The following KEL variants were observed in gnomAD, a reference collection of about 807,000 sequenced individuals.
KEL encodes the protein Kell metallo-endopeptidase (Kell blood group), also known as kell blood group glycoprotein.
Under a neutral mutation model 99.5 loss-of-function variants are expected in KEL, and 96 were observed. The observed-to-expected ratio is 0.97, with a 90% CI of 0.82 to 1.14. The LOEUF (loss-of-function observed/expected upper bound fraction) is 1.14, where lower values mean the gene tolerates loss of function less well. Ranked by LOEUF, KEL falls within the 50% of genes most tolerant of loss-of-function variation. The probability of loss-of-function intolerance (pLI) is 0.00; values close to 1 mark genes in which losing one functional copy is unlikely to be tolerated. For missense variants in KEL, 926 were observed against 924.2 expected, an observed-to-expected ratio of 1.00 and a Z score of -0.03; for synonymous variants, 355 against 354.8, an observed-to-expected ratio of 1.00 and a Z score of -0.01.
At chr7:142,956,453 A>C (rs1015551583) in intron 6 of KEL, among the ~76,000 whole-genome samples, 11 of 146,208 alleles carry the variant, frequency 7.5e-5, no homozygotes, top group African/African-American at 2.8e-4. Context: ...TTTTTTTTCT[A>C]TTATGTCAAA....
rs188609343 is a variant in KEL, at chr7:142,960,794, T to C, written c.400+134A>G. 4.7e-5 allele frequency: 44 copies of C among 945,730 alleles called. No homozygotes were observed. In the East Asian group the frequency reaches 6.4e-4, roughly 14 times the overall value. The allele number at this position is 945,730 out of a possible 1,614,324, so 58.6% of individuals were successfully genotyped here. ...TTTACTCCCCCATCATCTCCAATCA[T>C]CCACCCGTATAATCCCACCTGGGAT... On this transcript the variant is annotated intron_variant, in intron 4 of 18. Coordinates refer to ENST00000355265, the MANE Select transcript of KEL (RefSeq NM_000420.3).
chr7:142,947,265 A>G (rs1410151498), intron 10 of KEL, among the ~76,000 whole-genome samples: 1 of 152,180 alleles, frequency 6.6e-6, no homozygotes, highest in Non-Finnish European at 1.5e-5. Flanking sequence ...TGAAGCCTCA[A>G]AACTTTATTC....
At chr7:142,950,273 TTC>T (rs1257461935) in intron 10 of KEL, among the ~76,000 whole-genome samples, 1 of 152,282 alleles carries the variant, frequency 6.6e-6, no homozygotes, top group South Asian at 2.1e-4. Context: ...CCTTGTATGG[TTC>T]TCTCCTTCCT....
In KEL at chr7:142,953,941, T is replaced by C. The variant is rs1796757155; in HGVS notation, c.940A>G (p.Ile314Val). Residue 314 changes from isoleucine to valine, a missense_variant, in exon 9 of 19, where the codon ATC (isoleucine) becomes GTC (valine). By Grantham distance (29) the Ile-to-Val change is conservative. Transcript: ENST00000355265. The part of the protein sequence containing the change: ...IDQLKEMAPA[I>V]DWLSCLQATF... ...GCTTGCAAGCAGGACAACCAGTCGATGGCGGGGGCCATTTCCTTAGAGGAG... is the reference window on the plus strand; with the variant it reads ...GCTTGCAAGCAGGACAACCAGTCGACGGCGGGGGCCATTTCCTTAGAGGAG... 6.2e-7 allele frequency: 1 copy of C among 1,613,932 alleles called. No homozygotes were observed. The highest frequency in any genetic ancestry group is 8.5e-7 in the Non-Finnish European group (1 of 1,179,988).
At chr7:142,960,140 C>T (rs1562965109) in intron 4 of KEL, among the ~76,000 whole-genome samples, 1 of 152,222 alleles carries the variant, frequency 6.6e-6, no homozygotes, top group African/African-American at 2.4e-5. Context: ...TTTACTTCCA[C>T]TGCCAATTAA....
intron 11 of KEL, 124 bp from the exon 12 acceptor site, chr7:142,944,865 T>C: frequency 1.3e-6 from 1 of 757,138 alleles, no homozygotes; most frequent in East Asian, 2.7e-5. Flanking sequence ...CTGGAGCTGC[T>C]GCTAGAGGAG....
At chr7:142,957,686 T>C (rs751500913) in intron 6 of KEL, 141 bp downstream of exon 6, 5 of 1,030,918 alleles carry the variant, frequency 4.9e-6, no homozygotes, top group South Asian at 1.4e-5. Context: ...TTCACATCAA[T>C]AATTTTCCCT....
intron 8 of KEL, 64 bp from the exon 9 acceptor site, chr7:142,954,020 C>T (rs1227632138): frequency 5.6e-6 from 9 of 1,596,558 alleles, no homozygotes; most frequent in Admixed American, 1.7e-5. Flanking sequence ...AAGGGCTTCC[C>T]CTTGGGTGTG....
chr7:142,956,162 G>A (rs752549689), intron 6 of KEL, among the ~76,000 whole-genome samples: 12 of 152,116 alleles, frequency 7.9e-5, no homozygotes, highest in Non-Finnish European at 1.6e-4. Context: ...AAAACAATGG[G>A]ATCACTGTGT....
intron 5 of KEL, 144 bp from the exon 6 acceptor site, chr7:142,958,117 T>A (rs928026323): frequency 2.3e-6 from 3 of 1,304,668 alleles, no homozygotes; most frequent in African/African-American, 3.0e-5. Flanking sequence ...TATCCTTTTT[T>A]ATCTGCCTTC....
At chr7:142,951,091 G>A (rs1404775389) in intron 10 of KEL, among the ~76,000 whole-genome samples, 2 of 152,208 alleles carry the variant, frequency 1.3e-5, no homozygotes, top group Non-Finnish European at 2.9e-5. Flanking sequence ...TTCCAGAAAG[G>A]TGAAGTGGCG....
At chr7:142,952,839 G>T (rs1312080906) in intron 9 of KEL, among the ~76,000 whole-genome samples, 2 of 152,182 alleles carry the variant, frequency 1.3e-5, no homozygotes, top group Admixed American at 1.3e-4. Flanking sequence ...CTTAGTAAAA[G>T]AAACTAGATG....
Position 142,958,011 on chromosome 7 carries a change from G to A in KEL, c.526-38C>T, listed in dbSNP as rs758015945. 17 of 1,604,622 alleles carry A rather than the reference G, an allele frequency of 1.1e-5. 1 individual carries two copies. Among genetic ancestry groups the A allele is most frequent in the Middle Eastern group, 1.7e-4 (1 of 5,876 alleles). On this transcript the variant is annotated intron_variant, in intron 5 of 18. Coordinates refer to ENST00000355265, the MANE Select transcript of KEL (RefSeq NM_000420.3). ...GAGAGGGGGCTGAGCATAAGGATCC[G>A]TGGAGCCCATCCCCCATTGTCTGGA...
intron 1 of KEL, 56 bp from the exon 2 acceptor site, chr7:142,961,928 T>C: frequency 6.2e-7 from 1 of 1,602,860 alleles, no homozygotes; most frequent in Non-Finnish European, 8.5e-7. Context: ...AAATGGTGCA[T>C]TGAAGAGAGT....
rs757674085 is a variant in KEL at position 142,943,272 on chromosome 7, C to A, written c.1771+4G>T. 3.7e-6 allele frequency: 6 copies of A among 1,613,666 alleles called. No homozygotes were observed. The highest frequency in any genetic ancestry group is 5.1e-6 in the Non-Finnish European group (6 of 1,179,808). Reference sequence around the variant, plus strand: ...CCCACCTCCCAGTGGCCCCTGTTACCCACAGAGCTGGTAGAAGATGTGCAA... The same window carrying A: ...CCCACCTCCCAGTGGCCCCTGTTACACACAGAGCTGGTAGAAGATGTGCAA... On this transcript the variant is annotated splice_donor_region_variant and intron_variant, in intron 16 of 18. Coordinates refer to ENST00000355265, the MANE Select transcript of KEL (RefSeq NM_000420.3).
chr7:142,961,979 C>A, intron 1 of KEL, 107 bp from the exon 2 acceptor site: 1 of 1,606,312 alleles, frequency 6.2e-7, no homozygotes. Context: ...CTGCCCTGCC[C>A]CCACACACAT....
At chr7:142,952,054 C>A (rs1202492714) in intron 10 of KEL, among the ~76,000 whole-genome samples, 1 of 152,028 alleles carries the variant, frequency 6.6e-6, no homozygotes, top group Non-Finnish European at 1.5e-5. Flanking sequence ...CCCAGTGGAT[C>A]CCACTGGATG....
chr7:142,955,983 C>G (rs534752710), intron 6 of KEL, among the ~76,000 whole-genome samples: 9 of 152,258 alleles, frequency 5.9e-5, no homozygotes, highest in East Asian at 5.8e-4. Flanking sequence ...GCCCACCATA[C>G]TGGTCTAGCT....
At chr7:142,951,613 T>C (rs1796688636) in intron 10 of KEL, among the ~76,000 whole-genome samples, 1 of 152,156 alleles carries the variant, frequency 6.6e-6, no homozygotes, top group Non-Finnish European at 1.5e-5. Context: ...CATGGAATTG[T>C]AAAGATTAAA....
Sources: allele counts gnomAD v4.1 joint callset (sites outside exome capture counted in the v4.1 genomes callset), GRCh38; gene constraint gnomAD v4.1.1; transcripts MANE v1.5; gene names NCBI Gene and HGNC (gene_info 2026-07-23, HGNC 2026-07-21).